Variants in MDGA2 observed in about 807,000 individuals in gnomAD.
MDGA2 encodes the protein MAM domain-containing glycosylphosphatidylinositol anchor protein 2.
MDGA2 carries 40 observed loss-of-function variants against 117.8 expected under a neutral mutation model. That is an observed-to-expected ratio of 0.34 (90% CI 0.26 to 0.44). The LOEUF (loss-of-function observed/expected upper bound fraction) is 0.44, where lower values mean the gene tolerates loss of function less well. Among genes scored for constraint, MDGA2 ranks in the 20% least tolerant of loss-of-function variants. The pLI is 1.00. For synonymous variants in MDGA2, 452 were observed against 439.0 expected (o/e 1.03, Z -0.37); for missense variants, 1,123 against 1,250.6 (o/e 0.90, Z 1.54).
chr14:47,533,760 G>GA (rs1447857720), intron 1 of MDGA2, among the ~76,000 whole-genome samples: 2 of 152,044 alleles, frequency 1.3e-5, no homozygotes, highest in South Asian at 2.1e-4. Context: ...CACTTATTTA[G>GA]AAAAAATAAG....
rs186098860 is a variant in MDGA2 at position 47,113,812 on chromosome 14, C to A, written c.926-16689G>T. 2.4e-3 allele frequency among the ~76,000 whole-genome samples: 360 copies of A among 152,182 alleles called. 7 individuals are homozygous for A. Among genetic ancestry groups the A allele is most frequent in the Non-Finnish European group, 4.1e-4 (28 of 68,004 alleles). ...CACAGCCAATATCATACTGAATGGGCAAAAGCTGGAAGCATTCCCCTTGAA... is the reference window on the plus strand; with the variant it reads ...CACAGCCAATATCATACTGAATGGGAAAAAGCTGGAAGCATTCCCCTTGAA... On this transcript the variant is annotated intron_variant, in intron 5 of 16. Coordinates refer to ENST00000399232, the MANE Select transcript of MDGA2 (RefSeq NM_001113498.3).
At chr14:47,132,344 C>T (rs557903499) in intron 4 of MDGA2, among the ~76,000 whole-genome samples, 1 of 151,900 alleles carries the variant, frequency 6.6e-6, no homozygotes, top group African/African-American at 2.4e-5. Context: ...TAGATAATTA[C>T]ATTTATAAAC....
rs147190975 is a variant in MDGA2 at position 47,343,072 on chromosome 14, T to G, written c.281-41522A>C. ...GAGTCCTGCGGCAGATCCCAAGGGA[T>G]TCATACTTGAACATGGAAGCCTCAC... On this transcript the variant is annotated intron_variant, in intron 1 of 16. Coordinates refer to ENST00000399232, the MANE Select transcript of MDGA2 (RefSeq NM_001113498.3). 786 of 1,280,794 alleles carry G rather than the reference T, an allele frequency of 6.1e-4. 1 individual carries two copies. Among genetic ancestry groups the G allele is most frequent in the Non-Finnish European group, 7.3e-4 (724 of 985,938 alleles). The allele number at this position is 1,280,794 out of a possible 1,614,324, so 79.3% of individuals were successfully genotyped here. A position where few individuals can be genotyped will look rare whatever the true frequency, so the allele number is the denominator to read the frequency against.
At chr14:47,606,064 A>G (rs1352705932) in intron 1 of MDGA2, among the ~76,000 whole-genome samples, 2 of 151,888 alleles carry the variant, frequency 1.3e-5, no homozygotes, top group African/African-American at 4.8e-5. Flanking sequence ...ACTATTTTAC[A>G]TAACACATAT....
intron 3 of MDGA2, among the ~76,000 whole-genome samples, chr14:47,204,963 A>G (rs1179324648): frequency 6.6e-6 from 1 of 151,980 alleles, no homozygotes; most frequent in East Asian, 1.9e-4. Flanking sequence ...TCACAAATGT[A>G]GACAAGAGGG....
chr14:47,457,714 T>A (rs1214420598), intron 1 of MDGA2, among the ~76,000 whole-genome samples: 5 of 152,150 alleles, frequency 3.3e-5, no homozygotes, highest in African/African-American at 9.6e-5. Context: ...TTTCCTTTTT[T>A]AAAAAAATCT....
rs763442459 is a variant in MDGA2, at chr14:47,061,368, G to A, written c.1406C>T (p.Thr469Ile). The change falls in exon 7 of 17, where the codon ACA becomes ATA. Residue 469 changes from threonine (T) to isoleucine (I), a missense_variant. By Grantham distance (89) the Thr-to-Ile change is moderately conservative (BLOSUM62 -1). Coordinates refer to ENST00000399232, the MANE Select transcript of MDGA2 (RefSeq NM_001113498.3). Reference sequence around the variant, plus strand: ...TTTTAAATCAATGATGTCCAAGTTTGTTGTTCCCGGAGAGACATCAGGATC... The same window carrying A: ...TTTTAAATCAATGATGTCCAAGTTTATTGTTCCCGGAGAGACATCAGGATC... Reference protein sequence around the residue: ...QTDPDVSPGTTNLDIIDLKFT... With the variant: ...QTDPDVSPGTINLDIIDLKFT... 8 of 1,613,616 alleles carry A rather than the reference G, an allele frequency of 5.0e-6. No individual in the cohort carries two copies. In the South Asian group the frequency reaches 7.7e-5, roughly 16 times the overall value.
At chr14:47,118,241 G>A (rs138676395) in intron 5 of MDGA2, among the ~76,000 whole-genome samples, 1 of 152,054 alleles carries the variant, frequency 6.6e-6, no homozygotes, top group Admixed American at 6.6e-5. Context: ...GCAGATTGTT[G>A]CCATGTTCTA....
intron 1 of MDGA2, among the ~76,000 whole-genome samples, chr14:47,443,652 T>C (rs183008993): frequency 3.0e-4 from 46 of 152,308 alleles, no homozygotes; most frequent in Non-Finnish European, 1.5e-5. Flanking sequence ...ATGGTACTAA[T>C]TGTCCAAGTT....
intron 1 of MDGA2, among the ~76,000 whole-genome samples, chr14:47,656,535 A>G (rs1312143203): frequency 6.6e-6 from 1 of 152,224 alleles, no homozygotes. Flanking sequence ...GGCTGCGGTA[A>G]AAATAAACAT....
At chr14:47,317,048 G>T (rs1594791845) in intron 1 of MDGA2, among the ~76,000 whole-genome samples, 1 of 152,026 alleles carries the variant, frequency 6.6e-6, no homozygotes, top group East Asian at 1.9e-4. Flanking sequence ...GTGGTGTTTT[G>T]TCACTGACCT....
chr14:47,571,945 A>G, intron 1 of MDGA2, among the ~76,000 whole-genome samples: 1 of 152,180 alleles, frequency 6.6e-6, no homozygotes. Context: ...ACACACCTGA[A>G]CAGTACATTC....
intron 1 of MDGA2, among the ~76,000 whole-genome samples, chr14:47,539,381 G>T (rs548327571): frequency 7.8e-4 from 119 of 152,282 alleles, no homozygotes; most frequent in Admixed American, 1.4e-3. Flanking sequence ...GCCCTCTACT[G>T]ACAAAGCTTA....
chr14:46,927,927 C>A (rs1884392725), intron 9 of MDGA2, among the ~76,000 whole-genome samples: 2 of 152,088 alleles, frequency 1.3e-5, no homozygotes, highest in African/African-American at 4.8e-5. Context: ...GAATTTATAG[C>A]CCTGGAAAGC....
intron 6 of MDGA2, among the ~76,000 whole-genome samples, chr14:47,090,357 A>C (rs1250285022): frequency 6.7e-6 from 1 of 149,680 alleles, no homozygotes. Flanking sequence ...TTACTTCTTT[A>C]TATTAGGACT....
intron 1 of MDGA2, among the ~76,000 whole-genome samples, chr14:47,556,541 C>G (rs754323194): frequency 1.3e-5 from 2 of 152,174 alleles, no homozygotes; most frequent in Non-Finnish European, 2.9e-5. Context: ...TCACCTTGAG[C>G]AGAACAACAG....
At chr14:47,510,995 T>A (rs1032889094) in intron 1 of MDGA2, among the ~76,000 whole-genome samples, 6 of 152,360 alleles carry the variant, frequency 3.9e-5, no homozygotes, top group African/African-American at 1.4e-4. Context: ...TCTATTCTGT[T>A]GCCCTGTCTC....
chr14:47,162,836 T>A (rs1382493146), intron 3 of MDGA2, among the ~76,000 whole-genome samples: 1 of 152,130 alleles, frequency 6.6e-6, no homozygotes, highest in Non-Finnish European at 1.5e-5. Context: ...CATTTCCAAT[T>A]TTTTTACTGA....
intron 8 of MDGA2, among the ~76,000 whole-genome samples, chr14:46,977,736 C>T (rs1334985993): frequency 6.6e-6 from 1 of 151,724 alleles, no homozygotes; most frequent in East Asian, 1.9e-4. Context: ...TGATCAATAA[C>T]ATGGTAGTAA....
Sources: allele counts gnomAD v4.1 joint callset (sites outside exome capture counted in the v4.1 genomes callset), GRCh38; gene constraint gnomAD v4.1.1; transcripts MANE v1.5; gene names NCBI Gene and HGNC (gene_info 2026-07-23, HGNC 2026-07-21).